The following CSMD1 variants were observed in gnomAD, a reference collection of about 807,000 sequenced individuals.
The protein encoded by CSMD1 is CUB and Sushi multiple domains 1.
CSMD1 carries 213 observed loss-of-function variants against 417.5 expected under a neutral mutation model. That is an observed-to-expected ratio of 0.51 (90% CI 0.46 to 0.57). The LOEUF (loss-of-function observed/expected upper bound fraction) is 0.57, where lower values mean the gene tolerates loss of function less well. CSMD1 is among the 20% of genes least tolerant of loss of function. CSMD1 has a pLI of 0.00. For missense variants in CSMD1, 6,923 were observed against 4,529.7 expected (o/e 1.53, Z -15.17); for synonymous variants, 2,862 against 1,736.8 (o/e 1.65, Z -16.11).
intron 2 of CSMD1, among the ~76,000 whole-genome samples, chr8:4,440,753 T>C (rs932569336): frequency 2.0e-5 from 3 of 152,144 alleles, no homozygotes; most frequent in Non-Finnish European, 4.4e-5. Context: ...CCCAGCATTT[T>C]GGGAGGCCAG....
chr8:3,751,986 G>T (rs934842517), intron 6 of CSMD1, among the ~76,000 whole-genome samples: 1 of 152,132 alleles, frequency 6.6e-6, no homozygotes, highest in Non-Finnish European at 1.5e-5. Flanking sequence ...GTACGGGATG[G>T]ACATATCCAT....
At chr8:3,416,417 T>C (rs749712943) in intron 12 of CSMD1, among the ~76,000 whole-genome samples, 2 of 151,128 alleles carry the variant, frequency 1.3e-5, no homozygotes, top group Non-Finnish European at 1.5e-5. Context: ...GAAAAAGAAC[T>C]CTGAAGGTAG....
chr8:3,693,553 G>A (rs1407549208), intron 7 of CSMD1, among the ~76,000 whole-genome samples: 2 of 152,046 alleles, frequency 1.3e-5, no homozygotes, highest in Non-Finnish European at 2.9e-5. Context: ...GCCCTACAAT[G>A]TCCCCAGCAC....
intron 26 of CSMD1, among the ~76,000 whole-genome samples, chr8:3,281,124 C>T (rs1030830380): frequency 6.6e-6 from 1 of 152,110 alleles, no homozygotes; most frequent in Non-Finnish European, 1.5e-5. Context: ...AATTTTGAAG[C>T]AACCCGTATG....
At chr8:4,803,333 C>G (rs1798410605) in intron 1 of CSMD1, among the ~76,000 whole-genome samples, 1 of 152,088 alleles carries the variant, frequency 6.6e-6, no homozygotes. Context: ...TGGAAATAAG[C>G]CTTCGAAATA....
intron 5 of CSMD1, among the ~76,000 whole-genome samples, chr8:3,989,928 G>C (rs1017429777): frequency 1.3e-5 from 2 of 152,156 alleles, no homozygotes; most frequent in African/African-American, 2.4e-5. Context: ...ATAAGAAAGA[G>C]AAAAATTAGA....
intron 33 of CSMD1, among the ~76,000 whole-genome samples, chr8:3,196,108 C>T (rs745335596): frequency 6.6e-6 from 1 of 152,106 alleles, no homozygotes; most frequent in Admixed American, 6.5e-5. Context: ...ACCAAGATGG[C>T]GACTAAAGTG....
intron 5 of CSMD1, among the ~76,000 whole-genome samples, chr8:3,922,759 G>A (rs1251990753): frequency 6.6e-6 from 1 of 151,914 alleles, no homozygotes; most frequent in East Asian, 1.9e-4. Flanking sequence ...TTGTAGGTAT[G>A]GTTATTTTTA....
chr8:4,149,658 G>C (rs946687113), intron 3 of CSMD1, among the ~76,000 whole-genome samples: 1 of 152,170 alleles, frequency 6.6e-6, no homozygotes, highest in Admixed American at 6.5e-5. Context: ...CAGAATGGAG[G>C]ATGCTAAGTG....
At chr8:3,523,368 A>G (rs1797594486) in intron 10 of CSMD1, among the ~76,000 whole-genome samples, 1 of 152,244 alleles carries the variant, frequency 6.6e-6, no homozygotes, top group African/African-American at 2.4e-5. Context: ...ATTACGTGAG[A>G]TGGAACTTTG....
intron 18 of CSMD1, among the ~76,000 whole-genome samples, chr8:3,372,264 C>T (rs1205348623): frequency 1.3e-5 from 2 of 152,078 alleles, no homozygotes; most frequent in South Asian, 2.1e-4. Context: ...AGGACCAGGG[C>T]TCAAGCTACA....
chr8:3,579,405 T>TA (rs1800288729), intron 9 of CSMD1, among the ~76,000 whole-genome samples: 1 of 152,258 alleles, frequency 6.6e-6, no homozygotes, highest in African/African-American at 2.4e-5. Flanking sequence ...CTATAGTAAC[T>TA]ACTCAATTAA....
intron 3 of CSMD1, among the ~76,000 whole-genome samples, chr8:4,033,843 G>T (rs952277602): frequency 6.6e-6 from 1 of 152,142 alleles, no homozygotes; most frequent in Non-Finnish European, 1.5e-5. Flanking sequence ...TATAGAACAT[G>T]ATTTTGAACT....
intron 42 of CSMD1, among the ~76,000 whole-genome samples, chr8:3,112,331 T>G (rs1343941830): frequency 6.6e-6 from 1 of 152,210 alleles, no homozygotes; most frequent in Non-Finnish European, 1.5e-5. Flanking sequence ...CCCTTTTGCA[T>G]TTCTGCTTTT....
intron 1 of CSMD1, among the ~76,000 whole-genome samples, chr8:4,670,381 C>A (rs1365247926): frequency 1.3e-5 from 2 of 152,046 alleles, no homozygotes; most frequent in East Asian, 3.9e-4. Flanking sequence ...AATACATGTT[C>A]TCCTAATAAG....
intron 6 of CSMD1, among the ~76,000 whole-genome samples, chr8:3,733,261 C>T (rs1049425181): frequency 1.6e-4 from 23 of 140,028 alleles, no homozygotes; most frequent in African/African-American, 5.7e-4. Flanking sequence ...TATATATACA[C>T]ATACACATAT....
chr8:4,124,041 T>A (rs184789226), intron 3 of CSMD1, among the ~76,000 whole-genome samples: 1 of 152,074 alleles, frequency 6.6e-6, no homozygotes, highest in Non-Finnish European at 1.5e-5. Context: ...TACATTGCAT[T>A]CCGGAACGAC....
At chr8:3,279,865 C>T (rs569037672) in intron 26 of CSMD1, among the ~76,000 whole-genome samples, 22 of 152,252 alleles carry the variant, frequency 1.4e-4, no homozygotes, top group African/African-American at 4.8e-4. Context: ...GGAAACTGCC[C>T]TCATGATCCA....
intron 5 of CSMD1, among the ~76,000 whole-genome samples, chr8:3,827,772 A>C (rs1490851976): frequency 6.6e-6 from 1 of 152,216 alleles, no homozygotes; most frequent in Non-Finnish European, 1.5e-5. Context: ...TGATTGGGAA[A>C]AGACTATCCT....
Sources: allele counts gnomAD v4.1 joint callset (sites outside exome capture counted in the v4.1 genomes callset), GRCh38; gene constraint gnomAD v4.1.1; transcripts MANE v1.5; gene names NCBI Gene and HGNC (gene_info 2026-07-23, HGNC 2026-07-21).